The following CACNB2 variants were observed in gnomAD, a reference collection of about 807,000 sequenced individuals.
CACNB2 encodes calcium voltage-gated channel auxiliary subunit beta 2.
Under a neutral mutation model 73.3 loss-of-function variants are expected in CACNB2, and 42 were observed. The ratio of observed to expected loss-of-function variants is 0.57; its 90% CI spans 0.45 to 0.74. CACNB2 has a LOEUF of 0.74. Ranked by LOEUF, CACNB2 falls within the 30% of genes least tolerant of loss-of-function variation. CACNB2 has a pLI of 0.00. For missense variants in CACNB2, 940 were observed against 853.0 expected, an observed-to-expected ratio of 1.10 and a Z score of -1.27; for synonymous variants, 348 against 310.3, an observed-to-expected ratio of 1.12 and a Z score of -1.28.
At chr10:18,271,144 T>C (rs1465028906) in intron 2 of CACNB2, among the ~76,000 whole-genome samples, 1 of 152,224 alleles carries the variant, frequency 6.6e-6, no homozygotes, top group Non-Finnish European at 1.5e-5. Flanking sequence ...CTCATCAATA[T>C]GCAGAAAGTA....
chr10:18,438,679 A>C (rs569388059), intron 3 of CACNB2, among the ~76,000 whole-genome samples: 9 of 152,360 alleles, frequency 5.9e-5, no homozygotes, highest in African/African-American at 2.2e-4. Context: ...CAGTTCTGTT[A>C]GAGCATTCGG....
chr10:18,208,436 G>T (rs531453320), intron 2 of CACNB2, among the ~76,000 whole-genome samples: 1 of 152,136 alleles, frequency 6.6e-6, no homozygotes, highest in African/African-American at 2.4e-5. Flanking sequence ...AACATAGTGA[G>T]ACCCCATCTA....
intron 2 of CACNB2, among the ~76,000 whole-genome samples, chr10:18,190,183 A>G (rs1006527015): frequency 7.9e-5 from 12 of 152,166 alleles, no homozygotes; most frequent in Middle Eastern, 3.2e-3. Context: ...AATAAACACT[A>G]TCAGAAAGGG....
rs150151018 is a variant in CACNB2 at position 18,231,240 on chromosome 10, G to A, written c.213+80265G>A. 7.6e-4 allele frequency among the ~76,000 whole-genome samples: 116 copies of A among 152,224 alleles called. 1 individual carries two copies. The East Asian group carries it at 0.01, about 14-fold the overall frequency. ...TGCCCAGGCTAGAGTGCAGTGGCCCGATCTCGGCTCACTGCAACCTCCACC... is the reference window on the plus strand; with the variant it reads ...TGCCCAGGCTAGAGTGCAGTGGCCCAATCTCGGCTCACTGCAACCTCCACC... On this transcript the variant is annotated intron_variant, in intron 2 of 13. Transcript: ENST00000324631.
chr10:18,483,357 C>G lies in CACNB2; in HGVS notation c.334-14998C>G, dbSNP rs549250165. Among the ~76,000 whole-genome samples, 18 of 151,630 alleles carry G rather than the reference C, an allele frequency of 1.2e-4. No homozygotes were observed. The South Asian group carries it at 3.5e-3, about 30-fold the overall frequency. ...ACCAGCCTGGCCAACATGGTGAAAC[C>G]CCGTTTCTACTAAAAATACAAAAAT... is the stretch of plus-strand genomic sequence containing the variant. On this transcript the variant is annotated intron_variant, in intron 3 of 13. Coordinates refer to ENST00000324631, the MANE Select transcript of CACNB2 (RefSeq NM_201596.3).
intron 2 of CACNB2, among the ~76,000 whole-genome samples, chr10:18,169,010 C>A (rs559794906): frequency 6.6e-6 from 1 of 152,058 alleles, no homozygotes; most frequent in African/African-American, 2.4e-5. Flanking sequence ...CATTTATAAT[C>A]CTCATCTTAT....
chr10:18,465,754 T>A (rs970668367), intron 3 of CACNB2, among the ~76,000 whole-genome samples: 12 of 151,722 alleles, frequency 7.9e-5, no homozygotes, highest in Non-Finnish European at 1.5e-4. Context: ...TGATTGCAGA[T>A]CACTGCAACC....
rs1034644868 is a variant in CACNB2 at position 18,266,413 on chromosome 10, T to C, written c.213+115438T>C. 2.0e-5 allele frequency among the ~76,000 whole-genome samples: 3 copies of C among 152,244 alleles called. No individual in the cohort carries two copies. In the East Asian group the frequency reaches 5.8e-4, roughly 29 times the overall value. ...TAATTAAATTTAATTAACATGAAAA[T>C]GTTGTAGTGCTTTTGGGTATAAAAA... On this transcript the variant is annotated intron_variant, in intron 2 of 13. Coordinates refer to ENST00000324631, the MANE Select transcript of CACNB2 (RefSeq NM_201596.3).
At chr10:18,290,112 C>CTTTTTTTTTTTTTTTTTTTTTTTT (rs992393946) in intron 2 of CACNB2, among the ~76,000 whole-genome samples, 3 of 50,146 alleles carry the variant, frequency 6.0e-5, no homozygotes, top group East Asian at 6.6e-4. Flanking sequence ...TTTTCTTTTT[C>CTTTTTTTTTTTTTTTTTTTTTTTT]TTTTTTTTTT....
intron 2 of CACNB2, among the ~76,000 whole-genome samples, chr10:18,265,611 A>G (rs2037761976): frequency 6.6e-6 from 1 of 152,248 alleles, no homozygotes; most frequent in African/African-American, 2.4e-5. Context: ...TACAAATGGA[A>G]TCAGACTTAG....
At chr10:18,480,274 G>T (rs4545438) in intron 3 of CACNB2, among the ~76,000 whole-genome samples, 92,647 of 151,482 alleles carry the variant, frequency 0.61, 28,479 homozygotes, top group South Asian at 0.79. Flanking sequence ...ACTTTTAATT[G>T]TTTTTTTAAT....
At chr10:18,306,006 G>A (rs575689168) in intron 2 of CACNB2, among the ~76,000 whole-genome samples, 1 of 152,218 alleles carries the variant, frequency 6.6e-6, no homozygotes, top group East Asian at 1.9e-4. Flanking sequence ...TGTCAAGGAG[G>A]TCAGACAAGA....
chr10:18,163,237 G>A (rs189281295), intron 2 of CACNB2, among the ~76,000 whole-genome samples: 35 of 152,316 alleles, frequency 2.3e-4, no homozygotes, highest in African/African-American at 6.7e-4. Context: ...TGAGATGGAT[G>A]ATGTTAGTAT....
At chr10:18,371,159 T>C (rs945825400) in intron 2 of CACNB2, among the ~76,000 whole-genome samples, 7 of 152,216 alleles carry the variant, frequency 4.6e-5, no homozygotes, top group Non-Finnish European at 8.8e-5. Flanking sequence ...TATCTCATTC[T>C]TAAACATGTG....
chr10:18,262,380 T>C (rs1588879620), intron 2 of CACNB2, among the ~76,000 whole-genome samples: 1 of 152,308 alleles, frequency 6.6e-6, no homozygotes, highest in East Asian at 1.9e-4. Flanking sequence ...TTCAATTTTA[T>C]TAAATAAGTA....
intron 6 of CACNB2, among the ~76,000 whole-genome samples, chr10:18,511,190 G>A (rs2050757955): frequency 6.6e-6 from 1 of 152,072 alleles, no homozygotes; most frequent in African/African-American, 2.4e-5. Context: ...ACTATATTAG[G>A]TCTACGTAAT....
intron 3 of CACNB2, among the ~76,000 whole-genome samples, chr10:18,437,559 G>A (rs2046200180): frequency 6.6e-6 from 1 of 152,202 alleles, no homozygotes; most frequent in Non-Finnish European, 1.5e-5. Flanking sequence ...GAAAATGGCA[G>A]GCATCATTCT....
At chr10:18,294,760 T>C (rs1168495696) in intron 2 of CACNB2, among the ~76,000 whole-genome samples, 1 of 152,256 alleles carries the variant, frequency 6.6e-6, no homozygotes, top group African/African-American at 2.4e-5. Flanking sequence ...GCCAGAAGGC[T>C]AATATGGCTG....
At chr10:18,290,525 A>G (rs1327992524) in intron 2 of CACNB2, among the ~76,000 whole-genome samples, 2 of 152,210 alleles carry the variant, frequency 1.3e-5, no homozygotes, top group Non-Finnish European at 2.9e-5. Context: ...CAATGAAATA[A>G]AATAATAACA....
Sources: allele counts gnomAD v4.1 joint callset (sites outside exome capture counted in the v4.1 genomes callset), GRCh38; gene constraint gnomAD v4.1.1; transcripts MANE v1.5; gene names NCBI Gene and HGNC (gene_info 2026-07-23, HGNC 2026-07-21).